IGSF21: variants seen among roughly 807,000 people sequenced by gnomAD.
IGSF21 encodes the protein immunoglobin superfamily member 21, also known as immunoglobulin superfamily member 21.
Under a neutral mutation model 46.8 loss-of-function variants are expected in IGSF21, and 28 were observed. The ratio of observed to expected loss-of-function variants is 0.60; its 90% confidence interval spans 0.44 to 0.82. The LOEUF is 0.82. IGSF21 is among the 40% of genes least tolerant of loss of function. The pLI, the probability that IGSF21 is intolerant of heterozygous loss-of-function variation, is 0.00. For synonymous variants in IGSF21, 284 were observed against 273.6 expected (o/e 1.04, Z -0.38); for missense variants, 624 against 665.5 (o/e 0.94, Z 0.69).
chr1:18,181,881 C>T (rs576401421), intron 1 of IGSF21, among the ~76,000 whole-genome samples: 2 of 152,220 alleles, frequency 1.3e-5, no homozygotes, highest in East Asian at 1.9e-4. Context: ...CTGAGAGGGA[C>T]GGCGGGCTGT....
chr1:18,283,720 GC>G (rs886237519), intron 2 of IGSF21, among the ~76,000 whole-genome samples: 4 of 151,064 alleles, frequency 2.6e-5, no homozygotes, highest in African/African-American at 7.3e-5. Context: ...TCCCTTTCTT[GC>G]CCCCCTGCCC....
chr1:18,167,320 T>C (rs2086689390), intron 1 of IGSF21, among the ~76,000 whole-genome samples: 1 of 152,180 alleles, frequency 6.6e-6, no homozygotes, highest in Non-Finnish European at 1.5e-5. Context: ...CATCTAATGC[T>C]AACTGCAAAC....
rs1203264681 is a variant in IGSF21, at chr1:18,337,706, G to A, written c.424+2696G>A. On this transcript the variant is annotated intron_variant, in intron 4 of 9. Coordinates refer to ENST00000251296, the MANE Select transcript of IGSF21 (RefSeq NM_032880.5). This position sits in a 1 kb window ranked among gnomAD's most constrained non-coding sequence, Gnocchi z 5.7. ...TCCTGGCACCATGCACCTATGGAAG[G>A]AGCCAGGATATATCCCAACTGTCAT... Among the ~76,000 whole-genome samples the A allele has an allele frequency of 6.6e-6, 1 of 152,120 alleles. No homozygotes were observed. Among genetic ancestry groups the A allele is most frequent in the Non-Finnish European group, 1.5e-5 (1 of 68,036 alleles).
At chr1:18,196,419 G>A (rs916455922) in intron 1 of IGSF21, among the ~76,000 whole-genome samples, 4 of 152,138 alleles carry the variant, frequency 2.6e-5, no homozygotes, top group East Asian at 3.9e-4. Flanking sequence ...TCCCTGCAGG[G>A]CGCGTCTGCA....
chr1:18,365,420 C>T lies in IGSF21; in HGVS notation c.738C>T (p.Pro246=). 6.2e-7 allele frequency: 1 copy of T among 1,614,066 alleles called. No individual in the cohort carries two copies. Among genetic ancestry groups the T allele is most frequent in the South Asian group, 1.1e-5 (1 of 91,062 alleles). ...NRGGRPYTER[P]SRGLTPDPNI... ...GTGGGCGACCCTACACGGAGCGCCC[C>T]TCCCGTGGCCTGACCCCAGATCCCA... Residue 246 remains proline (P), a synonymous_variant, in exon 6 of 10, where the codon CCC becomes CCT. Coordinates refer to ENST00000251296, the MANE Select transcript of IGSF21 (RefSeq NM_032880.5). The surrounding 1 kb of genome is among the most constrained non-coding windows in gnomAD (Gnocchi z 4.8).
At chr1:18,201,772 C>A (rs1187883053) in intron 1 of IGSF21, among the ~76,000 whole-genome samples, 1 of 152,184 alleles carries the variant, frequency 6.6e-6, no homozygotes, top group Admixed American at 6.5e-5. Flanking sequence ...AAGATTTTGA[C>A]CTTTATAGCC....
intron 4 of IGSF21, among the ~76,000 whole-genome samples, chr1:18,358,751 A>G (rs1485467550): frequency 6.6e-6 from 1 of 152,222 alleles, no homozygotes; most frequent in Admixed American, 6.5e-5. Context: ...CATTTTTCAG[A>G]TCAGGAAACC....
chr1:18,263,461 G>T (rs1035386288), intron 2 of IGSF21, among the ~76,000 whole-genome samples: 4 of 151,844 alleles, frequency 2.6e-5, no homozygotes, highest in Non-Finnish European at 5.9e-5. Context: ...GCACATCTGA[G>T]TTTCAGGTTC....
chr1:18,185,455 G>A lies in IGSF21; in HGVS notation c.71-42443G>A, dbSNP rs185181970. Among the ~76,000 whole-genome samples the A allele has an allele frequency of 3.3e-5, 5 of 152,330 alleles. No individual in the cohort carries two copies. The East Asian group carries it at 9.6e-4, about 29-fold the overall frequency. ...TTCCCTCCCAGAGTTCCGCCAGGCAGCAGGATCCACATGAATTTGTAATTC... is the reference window on the plus strand; with the variant it reads ...TTCCCTCCCAGAGTTCCGCCAGGCAACAGGATCCACATGAATTTGTAATTC... On this transcript the variant is annotated intron_variant, in intron 1 of 9. Transcript: ENST00000251296.
At chr1:18,353,406 A>AAATACGTATTG (rs1553165876) in intron 4 of IGSF21, among the ~76,000 whole-genome samples, 1 of 151,914 alleles carries the variant, frequency 6.6e-6, no homozygotes, top group African/African-American at 2.4e-5. Flanking sequence ...TTCACTTGGA[A>AAATACGTATTG]AATACGTATT....
chr1:18,134,642 G>T (rs1260017567), intron 1 of IGSF21, among the ~76,000 whole-genome samples: 6 of 152,096 alleles, frequency 3.9e-5, no homozygotes, highest in Admixed American at 2.0e-4. Flanking sequence ...GGCCTCCTCA[G>T]TGCCCACCCC....
chr1:18,222,581 A>C lies in IGSF21; in HGVS notation c.71-5317A>C, dbSNP rs114942084. On this transcript the variant is annotated intron_variant, in intron 1 of 9. Coordinates refer to ENST00000251296, the MANE Select transcript of IGSF21 (RefSeq NM_032880.5). The stretch of plus-strand genomic sequence containing the variant: ...ACCCTGTGATTATTCCTGCATCCAC[A>C]TTACACATGGGGAAACTGAGTCCCA... Among the ~76,000 whole-genome samples the C allele has an allele frequency of 4.8e-3, 735 of 152,214 alleles. 7 individuals carry two copies. The highest frequency in any genetic ancestry group is 0.016 in the African/African-American group (656 of 41,508).
At chr1:18,205,723 TGAA>T (rs557239782) in intron 1 of IGSF21, among the ~76,000 whole-genome samples, 32 of 152,224 alleles carry the variant, frequency 2.1e-4, no homozygotes, top group Non-Finnish European at 4.0e-4. Context: ...GTGATCTATA[TGAA>T]GAATTCTAAT....
chr1:18,219,156 T>A (rs1223266038), intron 1 of IGSF21, among the ~76,000 whole-genome samples: 1 of 152,190 alleles, frequency 6.6e-6, no homozygotes, highest in Admixed American at 6.5e-5. Flanking sequence ...GTGATAAACG[T>A]CTAAGAAGGA....
chr1:18,299,506 C>T (rs1002755155), intron 3 of IGSF21, among the ~76,000 whole-genome samples: 2 of 152,176 alleles, frequency 1.3e-5, no homozygotes, highest in South Asian at 2.1e-4. Context: ...ATGAAGCATA[C>T]GTCTTCTTTC....
Position 18,365,513 on chromosome 1 carries a change from G to A in IGSF21, c.831G>A (p.Trp277Ter). Residue 277 changes from tryptophan to a stop codon, truncating the protein, a stop_gained, in exon 6 of 10, where the codon TGG (tryptophan) becomes TGA (stop). Coordinates refer to ENST00000251296, the MANE Select transcript of IGSF21 (RefSeq NM_032880.5). LOFTEE classifies it high-confidence loss of function. This position sits in a 1 kb window ranked among gnomAD's most constrained non-coding sequence, Gnocchi z 4.8. ...TCGTGAGCCGTGAGTTTCCCCGCTG[G>A]GTCCACAGCGCCGAGCCCACCTACT... Reference protein sequence around the residue: ...ETVVSREFPRWVHSAEPTYFL... With the variant: ...ETVVSREFPR The A allele has an allele frequency of 6.2e-7, 1 of 1,613,918 alleles. No individual in the cohort carries two copies. Among genetic ancestry groups the A allele is most frequent in the Non-Finnish European group, 8.5e-7 (1 of 1,179,992 alleles).
At chr1:18,205,901 T>A (rs920589979) in intron 1 of IGSF21, among the ~76,000 whole-genome samples, 12 of 152,208 alleles carry the variant, frequency 7.9e-5, no homozygotes, top group Non-Finnish European at 1.0e-4. Context: ...GATGTGTCAT[T>A]TTCAAGAAGC....
rs1402014439 is a variant in IGSF21, at chr1:18,308,246, T to A, written c.305+16259T>A. Among the ~76,000 whole-genome samples, 10 of 152,304 alleles carry A rather than the reference T, an allele frequency of 6.6e-5. No homozygotes were observed. In the East Asian group the frequency reaches 1.9e-3, roughly 29 times the overall value. ...CGGGGGATCTGGCCTCTCCCTCTGCTTCTAGGGGACCGCTTCTTGGCTCCT... is the reference window on the plus strand; with the variant it reads ...CGGGGGATCTGGCCTCTCCCTCTGCATCTAGGGGACCGCTTCTTGGCTCCT... On this transcript the variant is annotated intron_variant, in intron 3 of 9. Coordinates refer to ENST00000251296, the MANE Select transcript of IGSF21 (RefSeq NM_032880.5).
At chr1:18,266,191 G>T (rs2084988016) in intron 2 of IGSF21, among the ~76,000 whole-genome samples, 1 of 152,150 alleles carries the variant, frequency 6.6e-6, no homozygotes, top group South Asian at 2.1e-4. Context: ...AAGACCCTAG[G>T]AGGTGGCTAC....
Sources: gnomAD v4.1 joint callset for allele counts (sites outside exome capture counted in the v4.1 genomes callset) on GRCh38, gnomAD v4.1.1 for gene constraint, Gnocchi (gnomAD v3.1) non-coding constraint, MANE v1.5 for transcripts, NCBI Gene and HGNC (gene_info 2026-07-23, HGNC 2026-07-21) for gene names.